Variants in TNR observed in about 807,000 individuals in gnomAD.
TNR encodes the protein tenascin R, also known as tenascin-R.
TNR carries 45 observed loss-of-function variants against 150.4 expected under a neutral mutation model. That is an observed-to-expected ratio of 0.30 (90% CI 0.24 to 0.38). The LOEUF is 0.38. Among genes scored for constraint, TNR ranks in the 10% least tolerant of loss-of-function variants. TNR has a pLI of 1.00. For missense variants in TNR, 1,544 were observed against 1,759.1 expected, an observed-to-expected ratio of 0.88 and a Z score of 2.19; for synonymous variants, 687 against 678.4, an observed-to-expected ratio of 1.01 and a Z score of -0.20.
chr1:175,657,979 C>G (rs2057451), intron 1 of TNR, among the ~76,000 whole-genome samples: 66,248 of 146,292 alleles, frequency 0.45, 16,208 homozygotes, highest in Admixed American at 0.57. Flanking sequence ...GGAGAGAGGA[C>G]AAGCAAGAGC....
intron 1 of TNR, among the ~76,000 whole-genome samples, chr1:175,594,518 C>T (rs1261694367): frequency 1.3e-5 from 2 of 152,096 alleles, no homozygotes; most frequent in African/African-American, 4.8e-5. Context: ...GAATTGTTAT[C>T]TGTTGCACAT....
At chr1:175,408,908 C>T (rs1021856017) in intron 2 of TNR, among the ~76,000 whole-genome samples, 4 of 152,202 alleles carry the variant, frequency 2.6e-5, no homozygotes, top group Non-Finnish European at 4.4e-5. Flanking sequence ...TTAACACAGC[C>T]TTATCCAAAG....
At position 175,550,849 on chromosome 1, in the gene TNR, C is replaced by T. The variant is rs935811240; in HGVS notation, c.-164-22480G>A. On this transcript the variant is annotated intron_variant, in intron 1 of 22. Coordinates refer to ENST00000367674, the MANE Select transcript of TNR (RefSeq NM_003285.3). ...AAATAGGATCCTACTTACAAAGGGA[C>T]ACATTCAGAAAACAAGAAAAAGCTC... Among the ~76,000 whole-genome samples, 20 of 150,696 alleles carry T rather than the reference C, an allele frequency of 1.3e-4. No individual in the cohort carries two copies. The East Asian group carries it at 1.6e-3, about 12-fold the overall frequency.
intron 9 of TNR, among the ~76,000 whole-genome samples, chr1:175,370,571 T>C (rs1652058352): frequency 6.6e-6 from 1 of 152,056 alleles, no homozygotes; most frequent in East Asian, 1.9e-4. Context: ...GAGTGGGTGA[T>C]TGCAATACCC....
intron 18 of TNR, among the ~76,000 whole-genome samples, chr1:175,341,578 G>T (rs1052461634): frequency 6.6e-6 from 1 of 152,208 alleles, no homozygotes; most frequent in African/African-American, 2.4e-5. Flanking sequence ...GCAGTCAGGG[G>T]ACCACCACTG....
intron 20 of TNR, among the ~76,000 whole-genome samples, chr1:175,331,001 C>CTT (rs1343808665): frequency 3.9e-5 from 1 of 25,908 alleles, no homozygotes; most frequent in Middle Eastern, 0.015. Context: ...CTTGGTGATT[C>CTT]TTTCTTTCTT....
chr1:175,701,939 A>G (rs1192326932), intron 1 of TNR, among the ~76,000 whole-genome samples: 1 of 152,264 alleles, frequency 6.6e-6, no homozygotes, highest in East Asian at 1.9e-4. Context: ...TAGAGGCTCC[A>G]GAACACAGAT....
chr1:175,542,151 A>G (rs986404223), intron 1 of TNR, among the ~76,000 whole-genome samples: 2 of 152,176 alleles, frequency 1.3e-5, no homozygotes, highest in East Asian at 1.9e-4. Context: ...ATTAATTGTT[A>G]GGTTGAAGGA....
chr1:175,592,302 C>A (rs187779551), intron 1 of TNR, among the ~76,000 whole-genome samples: 123 of 152,342 alleles, frequency 8.1e-4, no homozygotes, highest in Non-Finnish European at 1.3e-3. Flanking sequence ...CCTCCAGGGG[C>A]CAGTGCACCT....
chr1:175,400,133 A>C (rs576126599), intron 4 of TNR, among the ~76,000 whole-genome samples: 1 of 152,248 alleles, frequency 6.6e-6, no homozygotes, highest in Non-Finnish European at 1.5e-5. Flanking sequence ...AGATGTGGAC[A>C]AATGGTTGAA....
At chr1:175,325,582 A>T (rs977723215) in intron 21 of TNR, among the ~76,000 whole-genome samples, 1 of 152,228 alleles carries the variant, frequency 6.6e-6, no homozygotes, top group African/African-American at 2.4e-5. Flanking sequence ...TGTTTATTGC[A>T]GCACTATTCA....
chr1:175,451,947 C>T (rs1416132366), intron 2 of TNR, among the ~76,000 whole-genome samples: 9 of 152,198 alleles, frequency 5.9e-5, no homozygotes, highest in African/African-American at 1.4e-4. Context: ...CAAAGCCTGA[C>T]GTGGCTGAGA....
intron 1 of TNR, among the ~76,000 whole-genome samples, chr1:175,576,927 T>C (rs1268379501): frequency 2.6e-5 from 4 of 152,212 alleles, no homozygotes; most frequent in African/African-American, 9.7e-5. Flanking sequence ...TGCATGTGTT[T>C]TCCCATCACT....
intron 1 of TNR, among the ~76,000 whole-genome samples, chr1:175,615,446 C>T (rs742091): frequency 0.48 from 73,292 of 151,964 alleles, 19,019 homozygotes; most frequent in African/African-American, 0.7. Flanking sequence ...GGAGATGCTT[C>T]GGTGATGTTG....
At chr1:175,626,603 A>G (rs1571690329) in intron 1 of TNR, among the ~76,000 whole-genome samples, 1 of 152,366 alleles carries the variant, frequency 6.6e-6, no homozygotes, top group East Asian at 1.9e-4. Flanking sequence ...AAAGCAACTG[A>G]GAGAGAAATT....
intron 1 of TNR, among the ~76,000 whole-genome samples, chr1:175,679,682 G>C (rs967377508): frequency 4.6e-5 from 7 of 152,138 alleles, no homozygotes; most frequent in African/African-American, 1.7e-4. Context: ...TGAGGGATGG[G>C]CCACTCAAGA....
At chr1:175,624,734 T>C (rs12028724) in intron 1 of TNR, among the ~76,000 whole-genome samples, 72,270 of 151,910 alleles carry the variant, frequency 0.48, 18,417 homozygotes, top group African/African-American at 0.68. Flanking sequence ...TTCATTACTG[T>C]AGCCCTGGGA....
At chr1:175,616,326 A>C (rs527631524) in intron 1 of TNR, among the ~76,000 whole-genome samples, 42 of 152,296 alleles carry the variant, frequency 2.8e-4, no homozygotes, top group African/African-American at 9.9e-4. Context: ...GCATGCAGGC[A>C]TTACAGCCCT....
At chr1:175,586,188 G>A (rs1352393624) in intron 1 of TNR, among the ~76,000 whole-genome samples, 1 of 152,178 alleles carries the variant, frequency 6.6e-6, no homozygotes, top group African/African-American at 2.4e-5. Flanking sequence ...AAAAGAGGTT[G>A]ATTTCAGCCT....
Sources: gnomAD v4.1 joint callset for allele counts (sites outside exome capture counted in the v4.1 genomes callset) on GRCh38, gnomAD v4.1.1 for gene constraint, MANE v1.5 for transcripts, NCBI Gene and HGNC (gene_info 2026-07-23, HGNC 2026-07-21) for gene names.